The following CHSY1 variants were observed in gnomAD, a reference collection of about 807,000 sequenced individuals.
CHSY1 encodes chondroitin sulfate synthase 1, also known as N-acetylgalactosaminyl-proteoglycan 3-beta-glucuronosyltransferase 1.
Under a neutral mutation model 59.8 loss-of-function variants are expected in CHSY1, and 13 were observed. That is an observed-to-expected ratio of 0.22 (90% CI 0.14 to 0.35). CHSY1 has a LOEUF of 0.35. Ranked by LOEUF, CHSY1 falls within the 10% of genes least tolerant of loss-of-function variation. The pLI is 1.00. For synonymous variants in CHSY1, 459 were observed against 401.2 expected, an observed-to-expected ratio of 1.14 and a Z score of -1.72; for missense variants, 947 against 1,030.6, an observed-to-expected ratio of 0.92 and a Z score of 1.11.
chr15:101,221,816 T>TTTTG (rs10659419), intron 2 of CHSY1, among the ~76,000 whole-genome samples: 57,556 of 151,720 alleles, frequency 0.38, 15,141 homozygotes, highest in African/African-American at 0.76. Flanking sequence ...CAGGGAGTTT[T>TTTTG]TTTGTTTGTT....
rs1338303401 is a variant in CHSY1 at position 101,219,138 on chromosome 15, T to C, written c.816+15944A>G. Among the ~76,000 whole-genome samples, 3 of 152,252 alleles carry C rather than the reference T, an allele frequency of 2.0e-5. No homozygotes were observed. In the East Asian group the frequency reaches 5.8e-4, roughly 29 times the overall value. ...TTAGAAGAATGCAGTTTAAATGGGGTTTCTCTCTATACCAAAAGAATAAGA... is the reference window on the plus strand; with the variant it reads ...TTAGAAGAATGCAGTTTAAATGGGGCTTCTCTCTATACCAAAAGAATAAGA... On this transcript the variant is annotated intron_variant, in intron 2 of 2. Transcript: ENST00000254190.
At chr15:101,189,187 G>A (rs1047853014) in intron 2 of CHSY1, among the ~76,000 whole-genome samples, 3 of 152,192 alleles carry the variant, frequency 2.0e-5, no homozygotes, top group African/African-American at 7.2e-5. Context: ...GGCCTGCCAC[G>A]AAGCGGCCAC....
At chr15:101,223,914 T>C (rs2141268317) in intron 2 of CHSY1, among the ~76,000 whole-genome samples, 1 of 152,410 alleles carries the variant, frequency 6.6e-6, no homozygotes, top group South Asian at 2.1e-4. Flanking sequence ...CCTGTAACGA[T>C]GTCTCAGTCA....
At chr15:101,185,639 T>C (rs1010763351) in intron 2 of CHSY1, among the ~76,000 whole-genome samples, 2 of 150,594 alleles carry the variant, frequency 1.3e-5, no homozygotes, top group African/African-American at 2.4e-5. Flanking sequence ...TTTGCCTCTG[T>C]GGCAAGGCGG....
At chr15:101,208,996 T>C (rs759277477) in intron 2 of CHSY1, among the ~76,000 whole-genome samples, 2 of 152,130 alleles carry the variant, frequency 1.3e-5, no homozygotes, top group Non-Finnish European at 2.9e-5. Context: ...CCAAGAAACA[T>C]CAATTAATGC....
intron 2 of CHSY1, among the ~76,000 whole-genome samples, chr15:101,188,861 C>T (rs1239574540): frequency 6.6e-6 from 1 of 152,188 alleles, no homozygotes; most frequent in Non-Finnish European, 1.5e-5. Flanking sequence ...TATCTGCAGT[C>T]CGAAAACTAT....
At chr15:101,213,825 CTGTG>C (rs1354176705) in intron 2 of CHSY1, among the ~76,000 whole-genome samples, 1 of 152,220 alleles carries the variant, frequency 6.6e-6, no homozygotes, top group African/African-American at 2.4e-5. Flanking sequence ...ATAGTTCCTA[CTGTG>C]TGTAATTTCC....
chr15:101,232,207 A>G (rs755313849), intron 2 of CHSY1, among the ~76,000 whole-genome samples: 1 of 152,248 alleles, frequency 6.6e-6, no homozygotes, highest in Non-Finnish European at 1.5e-5. Flanking sequence ...CAAAATAAGT[A>G]CCTTCCAAGT....
At chr15:101,214,383 C>T (rs1380991985) in intron 2 of CHSY1, among the ~76,000 whole-genome samples, 2 of 152,212 alleles carry the variant, frequency 1.3e-5, no homozygotes, top group Non-Finnish European at 2.9e-5. Context: ...AAGCACCTTA[C>T]GTCCTTTTTT....
intron 1 of CHSY1, among the ~76,000 whole-genome samples, chr15:101,239,882 C>T (rs11639110): frequency 0.1 from 15,747 of 152,258 alleles, 1,020 homozygotes; most frequent in Middle Eastern, 0.19. Flanking sequence ...GGCCCTGCTT[C>T]CCGTGTACCC....
At chr15:101,186,733 T>C (rs1004000900) in intron 2 of CHSY1, 2 of 151,626 alleles carry the variant, frequency 1.3e-5, no homozygotes, top group African/African-American at 4.9e-5. Flanking sequence ...GCCTGGGAGG[T>C]CGAGGCTGCA....
chr15:101,176,511 C>CT lies in CHSY1; in HGVS notation c.*876dup. On this transcript the variant is annotated 3_prime_UTR_variant, in exon 3 of 3. Coordinates refer to ENST00000254190, the MANE Select transcript of CHSY1 (RefSeq NM_014918.5). ...TCCTTCTTGAAATTTAATGCCAGGT[C>CT]TATTTAGGCCGAATGAACTACCACG... The CT allele has an allele frequency of 2.5e-6, 1 of 397,802 alleles. No individual in the cohort carries two copies. 24.6% of individuals were successfully genotyped at this position (397,802 alleles called of 1,614,324 possible). A position where few individuals can be genotyped will look rare whatever the true frequency, so the allele number is the denominator to read the frequency against.
chr15:101,194,781 ATGGGT>A (rs1444695648), intron 2 of CHSY1, among the ~76,000 whole-genome samples: 1 of 152,122 alleles, frequency 6.6e-6, no homozygotes, highest in African/African-American at 2.4e-5. Context: ...TTTTGTATGC[ATGGGT>A]TGGGTTGGGA....
chr15:101,251,474 C>G lies in CHSY1; in HGVS notation c.-18G>C. The G allele has an allele frequency of 3.0e-6, 1 of 336,664 alleles. No individual in the cohort carries two copies. The highest frequency in any genetic ancestry group is 3.3e-6 in the Non-Finnish European group (1 of 300,154). The allele number at this position is 336,664 out of a possible 1,614,324, so 20.9% of individuals were successfully genotyped here. ...GCGGCCATGCCCGCGCCGCTCCGCC[C>G]GCCGGGCCGCCGCCGCAGGCTCCGC... On this transcript the variant is annotated 5_prime_UTR_variant, in exon 1 of 3. Coordinates refer to ENST00000254190, the MANE Select transcript of CHSY1 (RefSeq NM_014918.5).
intron 2 of CHSY1, chr15:101,187,524 A>C (rs2038386658): frequency 6.6e-6 from 1 of 152,252 alleles, no homozygotes; most frequent in African/African-American, 2.4e-5. Context: ...ACTCCAGAAT[A>C]TTTTGATAGT....
At position 101,191,407 on chromosome 15, in the gene CHSY1, AG is replaced by A. The variant is rs1437421496; in HGVS notation, c.817-12428del. 2.0e-5 allele frequency among the ~76,000 whole-genome samples: 3 copies of A among 152,262 alleles called. No individual in the cohort carries two copies. In the East Asian group the frequency reaches 5.8e-4, roughly 29 times the overall value. ...GACAGTAAAAAGATGAGTGGTTGCC[AG>A]GGGTTACAGGGGAAGGAAGGATGAC... On this transcript the variant is annotated intron_variant, in intron 2 of 2. Transcript: ENST00000254190.
intron 2 of CHSY1, among the ~76,000 whole-genome samples, chr15:101,179,498 G>A (rs745596082): frequency 5.9e-5 from 9 of 152,208 alleles, no homozygotes; most frequent in Non-Finnish European, 1.2e-4. Context: ...GCCTATCAGA[G>A]GCAGGAGGCG....
chr15:101,236,655 AC>A (rs2038946502), intron 1 of CHSY1, among the ~76,000 whole-genome samples: 1 of 151,954 alleles, frequency 6.6e-6, no homozygotes, highest in Non-Finnish European at 1.5e-5. Context: ...CCCCGTCTCT[AC>A]TAAAAATACA....
rs2038195470 is a variant in CHSY1, at chr15:101,176,820, C to CA, written c.*567dup. The CA allele has an allele frequency of 6.1e-6, 1 of 164,506 alleles. No individual in the cohort carries two copies. The highest frequency in any genetic ancestry group is 1.3e-5 in the Non-Finnish European group (1 of 76,742). 10.2% of individuals were successfully genotyped at this position (164,506 alleles called of 1,614,324 possible). A position where few individuals can be genotyped will look rare whatever the true frequency, so the allele number is the denominator to read the frequency against. The stretch of plus-strand genomic sequence containing the variant: ...CAAAAAAAGAACAAAACAAAACAAA[C>CA]AAAAAACCTACGTGGCCATGCTGAG... On this transcript the variant is annotated 3_prime_UTR_variant, in exon 3 of 3. Transcript: ENST00000254190.
Sources: gnomAD v4.1 joint callset for allele counts (sites outside exome capture counted in the v4.1 genomes callset) on GRCh38, gnomAD v4.1.1 for gene constraint, MANE v1.5 for transcripts, NCBI Gene and HGNC (gene_info 2026-07-23, HGNC 2026-07-21) for gene names.